The following SORCS3 variants were observed in gnomAD, a reference collection of about 807,000 sequenced individuals.
The protein encoded by SORCS3 is VPS10 domain-containing receptor SorCS3.
SORCS3 carries 57 observed loss-of-function variants against 146.3 expected under a neutral mutation model. That is an observed-to-expected ratio of 0.39 (90% CI 0.31 to 0.49). The LOEUF is 0.49. SORCS3 is among the 20% of genes least tolerant of loss of function. The pLI is 0.92. For missense variants in SORCS3, 1,341 were observed against 1,575.5 expected, an observed-to-expected ratio of 0.85 and a Z score of 2.52; for synonymous variants, 653 against 618.5, an observed-to-expected ratio of 1.06 and a Z score of -0.83.
intron 2 of SORCS3, among the ~76,000 whole-genome samples, chr10:104,872,798 G>A (rs1022702607): frequency 4.6e-5 from 7 of 151,870 alleles, no homozygotes; most frequent in African/African-American, 9.7e-5. Flanking sequence ...CCACTCCCAC[G>A]CACCATTACA....
At chr10:105,184,899 A>G (rs2056465635) in intron 14 of SORCS3, among the ~76,000 whole-genome samples, 1 of 152,212 alleles carries the variant, frequency 6.6e-6, no homozygotes, top group South Asian at 2.1e-4. Context: ...ACTATGTTAT[A>G]CATCAGATTT....
chr10:104,798,611 T>G (rs1205180692), intron 1 of SORCS3, among the ~76,000 whole-genome samples: 1 of 152,176 alleles, frequency 6.6e-6, no homozygotes, highest in East Asian at 1.9e-4. Flanking sequence ...TGGAAAACAG[T>G]TTGGTAGTTT....
At chr10:105,221,918 G>A (rs970713044) in intron 19 of SORCS3, among the ~76,000 whole-genome samples, 33 of 151,916 alleles carry the variant, frequency 2.2e-4, no homozygotes, top group African/African-American at 7.0e-4. Flanking sequence ...AAAGAAGGAG[G>A]GAGGAAGACA....
chr10:104,732,428 C>G (rs1488491306), intron 1 of SORCS3, among the ~76,000 whole-genome samples: 1 of 152,140 alleles, frequency 6.6e-6, no homozygotes, highest in Non-Finnish European at 1.5e-5. Flanking sequence ...GCAGGTCACT[C>G]TAGGACGACA....
At chr10:105,074,693 G>A (rs888095077) in intron 5 of SORCS3, among the ~76,000 whole-genome samples, 1 of 152,162 alleles carries the variant, frequency 6.6e-6, no homozygotes. Context: ...CTATGAACCC[G>A]TAAAGCAGAT....
At chr10:105,143,819 G>C (rs2056111910) in intron 8 of SORCS3, among the ~76,000 whole-genome samples, 1 of 152,110 alleles carries the variant, frequency 6.6e-6, no homozygotes, top group Admixed American at 6.6e-5. Flanking sequence ...TCCCGCTGTA[G>C]ATTTTACCTC....
chr10:105,139,363 C>T (rs1237705325), intron 7 of SORCS3, 34 bp from the exon 8 acceptor site: 1 of 1,515,046 alleles, frequency 6.6e-7, no homozygotes, highest in Non-Finnish European at 9.2e-7. Context: ...TCTGTGGCCT[C>T]ATCTGATCTC....
chr10:105,086,299 G>C (rs759364333), intron 5 of SORCS3, among the ~76,000 whole-genome samples: 2 of 152,130 alleles, frequency 1.3e-5, no homozygotes, highest in Non-Finnish European at 2.9e-5. Flanking sequence ...GACAGGAAAG[G>C]GTACTGAGCA....
chr10:104,897,014 G>C (rs2018804899), intron 2 of SORCS3, among the ~76,000 whole-genome samples: 1 of 152,152 alleles, frequency 6.6e-6, no homozygotes, highest in African/African-American at 2.4e-5. Context: ...CTAGGTGCTG[G>C]ACTATAGCAT....
intron 5 of SORCS3, among the ~76,000 whole-genome samples, chr10:105,088,137 T>C (rs2055675848): frequency 6.6e-6 from 1 of 152,184 alleles, no homozygotes; most frequent in African/African-American, 2.4e-5. Context: ...ATAAGGACGT[T>C]GGAGCTCTTC....
At chr10:104,710,471 A>G (rs1001918325) in intron 1 of SORCS3, among the ~76,000 whole-genome samples, 7 of 152,262 alleles carry the variant, frequency 4.6e-5, no homozygotes, top group African/African-American at 1.4e-4. Context: ...CAGAGGATAA[A>G]CTAATGAACA....
chr10:105,135,684 T>C (rs2056054241), intron 7 of SORCS3, among the ~76,000 whole-genome samples: 1 of 152,200 alleles, frequency 6.6e-6, no homozygotes, highest in Non-Finnish European at 1.5e-5. Flanking sequence ...CATTGATAGT[T>C]CTTCCAGATA....
At chr10:104,742,603 C>T (rs905043456) in intron 1 of SORCS3, among the ~76,000 whole-genome samples, 4 of 152,306 alleles carry the variant, frequency 2.6e-5, no homozygotes, top group Non-Finnish European at 4.4e-5. Flanking sequence ...CAGTCAACAA[C>T]ATTGGGCTGC....
At chr10:105,212,358 A>C (rs182357636) in intron 17 of SORCS3, among the ~76,000 whole-genome samples, 1 of 152,340 alleles carries the variant, frequency 6.6e-6, no homozygotes, top group East Asian at 1.9e-4. Flanking sequence ...ATCCAACAGC[A>C]TGAAGTTAAA....
chr10:105,262,439 C>G lies in SORCS3; in HGVS notation c.3552C>G (p.Asp1184Glu). The G allele has an allele frequency of 6.2e-7, 1 of 1,614,054 alleles. No individual in the cohort carries two copies. The highest frequency in any genetic ancestry group is 1.1e-5 in the South Asian group (1 of 91,078). ...ACGCCCCCAAAATCACACTCAGTGA[C>G]TTTACGGAGCCTGAGGAGCTGCTGG... ...SENAPKITLS[D>E]FTEPEELLDK... The change falls in exon 26 of 27, where the codon GAC becomes GAG. Residue 1184 changes from aspartate to glutamate, a missense_variant. Transcript: ENST00000369701.
chr10:105,131,372 AAT>A (rs2056017018), intron 7 of SORCS3, among the ~76,000 whole-genome samples: 1 of 152,150 alleles, frequency 6.6e-6, no homozygotes, highest in Non-Finnish European at 1.5e-5. Context: ...TTATTCACAT[AAT>A]ATTCGATACA....
intron 1 of SORCS3, among the ~76,000 whole-genome samples, chr10:104,809,190 C>T (rs1311369053): frequency 6.6e-6 from 1 of 152,226 alleles, no homozygotes; most frequent in South Asian, 2.1e-4. Flanking sequence ...TGTCATTCAT[C>T]TCCCAAGACT....
chr10:104,999,737 T>A (rs1443623595), intron 4 of SORCS3, among the ~76,000 whole-genome samples: 1 of 152,128 alleles, frequency 6.6e-6, no homozygotes, highest in Non-Finnish European at 1.5e-5. Flanking sequence ...TACAAAGAGT[T>A]TGGAAGAATG....
chr10:105,083,613 C>G (rs2055640031), intron 5 of SORCS3, among the ~76,000 whole-genome samples: 1 of 152,126 alleles, frequency 6.6e-6, no homozygotes, highest in Non-Finnish European at 1.5e-5. Flanking sequence ...CCCAAGTTTT[C>G]TTTTCTTCAG....
Sources: allele counts gnomAD v4.1 joint callset (sites outside exome capture counted in the v4.1 genomes callset), GRCh38; gene constraint gnomAD v4.1.1; transcripts MANE v1.5; gene names NCBI Gene and HGNC (gene_info 2026-07-23, HGNC 2026-07-21).